CMC1: variants seen among roughly 807,000 people sequenced by gnomAD.
CMC1 encodes the protein C-X9-C motif containing 1.
In CMC1, 14 loss-of-function variants were observed where a neutral mutation model predicts 14.1. The ratio of observed to expected loss-of-function variants is 0.99; its 90% CI spans 0.66 to 1.55. The LOEUF is 1.55. CMC1 is among the 40% of genes most tolerant of loss of function. CMC1 has a pLI of 0.00. For missense variants in CMC1, 127 were observed against 123.8 expected (o/e 1.03, Z -0.12); for synonymous variants, 50 against 38.4 (o/e 1.30, Z -1.12).
intron 2 of CMC1, among the ~76,000 whole-genome samples, chr3:28,282,806 CTT>C (rs1475395236): frequency 2.6e-5 from 4 of 152,124 alleles, no homozygotes; most frequent in African/African-American, 9.7e-5. Flanking sequence ...AACCTTAAAA[CTT>C]TGGTTTTAAT....
chr3:28,250,035 G>C (rs750682401), intron 1 of CMC1, among the ~76,000 whole-genome samples: 1 of 152,088 alleles, frequency 6.6e-6, no homozygotes, highest in South Asian at 2.1e-4. Context: ...TAATCCTATC[G>C]AATTAAGGCC....
intron 2 of CMC1, among the ~76,000 whole-genome samples, chr3:28,263,845 G>A (rs1458716958): frequency 6.6e-6 from 1 of 151,976 alleles, no homozygotes. Flanking sequence ...GTGAGTCTGG[G>A]GTTTTTGTTT....
Position 28,323,284 on chromosome 3 carries a change from TCTA to T in CMC1, c.*3661_*3663del, listed in dbSNP as rs1228768168. 1 of 151,302 alleles carries T rather than the reference TCTA, an allele frequency of 6.6e-6. No homozygotes were observed. The highest frequency in any genetic ancestry group is 6.6e-5 in the Admixed American group (1 of 15,088). 9.4% of individuals were successfully genotyped at this position (151,302 alleles called of 1,614,324 possible). On this transcript the variant is annotated 3_prime_UTR_variant, in exon 4 of 4. Coordinates refer to ENST00000466830, the MANE Select transcript of CMC1 (RefSeq NM_182523.2). ...AGACTGAAATCTGTGTGATGCTCCT[TCTA>T]CTACTTATTGAATAGTGTGTAGGGT...
At position 28,263,354 on chromosome 3, in the gene CMC1, A is replaced by C; in HGVS notation, c.83A>C (p.Lys28Thr). Residue 28 changes from lysine (K) to threonine (T), a missense_variant, in exon 2 of 4, where the codon AAA (lysine) becomes ACA (threonine). Physicochemically the swap from Lys to Thr is moderately conservative, Grantham distance 78. Transcript: ENST00000466830. ...LIPKIMREKA[K>T]ERCSEQVQDF... ...CCTAAAATAATGAGAGAAAAGGCCA[A>C]AGAGAGGTGTTCTGAACAAGTTCAA... is the stretch of plus-strand genomic sequence containing the variant. The C allele has an allele frequency of 6.2e-7, 1 of 1,608,360 alleles. No individual in the cohort carries two copies. The highest frequency in any genetic ancestry group is 1.3e-5 in the African/African-American group (1 of 74,772).
chr3:28,259,092 A>T (rs192052421), intron 1 of CMC1, among the ~76,000 whole-genome samples: 1 of 151,738 alleles, frequency 6.6e-6, no homozygotes, highest in Non-Finnish European at 1.5e-5. Context: ...TGGCTATTCT[A>T]TGTCCTTTGT....
At chr3:28,277,620 G>T (rs371167394) in intron 2 of CMC1, among the ~76,000 whole-genome samples, 1 of 152,166 alleles carries the variant, frequency 6.6e-6, no homozygotes, top group African/African-American at 2.4e-5. Context: ...TTTCTAATAC[G>T]TGATCAATAT....
At chr3:28,287,205 T>A (rs981818292) in intron 2 of CMC1, among the ~76,000 whole-genome samples, 1 of 152,154 alleles carries the variant, frequency 6.6e-6, no homozygotes, top group Non-Finnish European at 1.5e-5. Flanking sequence ...TCTTCATGAA[T>A]CCTCTCTACG....
chr3:28,248,023 T>A (rs911973123), intron 1 of CMC1, among the ~76,000 whole-genome samples: 3 of 152,188 alleles, frequency 2.0e-5, no homozygotes, highest in African/African-American at 7.2e-5. Context: ...AAACATTTTT[T>A]TTTAAGGTTT....
At chr3:28,263,266 TAAAG>T in intron 1 of CMC1, 21 bp from the exon 2 acceptor site, 2 of 1,539,026 alleles carry the variant, frequency 1.3e-6, no homozygotes, top group Non-Finnish European at 1.8e-6. Context: ...GAGACTTTAT[TAAAG>T]AAAGATCTTT....
At chr3:28,286,492 C>G (rs1701187278) in intron 2 of CMC1, among the ~76,000 whole-genome samples, 1 of 152,142 alleles carries the variant, frequency 6.6e-6, no homozygotes, top group Admixed American at 6.5e-5. Flanking sequence ...TCTTTCTTAT[C>G]TGCTACATGA....
At chr3:28,301,516 C>G (rs1468044542) in intron 2 of CMC1, among the ~76,000 whole-genome samples, 1 of 152,056 alleles carries the variant, frequency 6.6e-6, no homozygotes, top group African/African-American at 2.4e-5. Context: ...CCACTGCACT[C>G]GGCTTACTGA....
intron 2 of CMC1, among the ~76,000 whole-genome samples, chr3:28,275,324 G>GTTTTTTTTTTTTTCT: frequency 9.2e-6 from 1 of 108,456 alleles, no homozygotes. Context: ...ACTGTTAGTT[G>GTTTTTTTTTTTTTCT]TTTGTTTTTT....
Position 28,323,900 on chromosome 3 carries a change from T to C in CMC1, c.*4271T>C. ...CCAACTATGTTGGTTTTTGTACTAT[T>C]GTACAGTGTGTTCAAATATAGATAC... On this transcript the variant is annotated 3_prime_UTR_variant, in exon 4 of 4. Transcript: ENST00000466830. 1 of 924,564 alleles carries C rather than the reference T, an allele frequency of 1.1e-6. No individual in the cohort carries two copies. The highest frequency in any genetic ancestry group is 1.8e-5 in the South Asian group (1 of 56,876). The allele number at this position is 924,564 out of a possible 1,614,324, so 57.3% of individuals were successfully genotyped here.
At chr3:28,267,435 A>T (rs17021326) in intron 2 of CMC1, among the ~76,000 whole-genome samples, 6,141 of 152,194 alleles carry the variant, frequency 0.04, 389 homozygotes, top group African/African-American at 0.13. Context: ...GTATTTTGTC[A>T]TCAGGGATGG....
chr3:28,274,798 T>C (rs892301978), intron 2 of CMC1, among the ~76,000 whole-genome samples: 1 of 151,932 alleles, frequency 6.6e-6, no homozygotes, highest in Admixed American at 6.6e-5. Flanking sequence ...TTCTCGGAGG[T>C]TTTGTTTGTT....
rs1006900796 is a variant in CMC1 at position 28,286,060 on chromosome 3, T to C, written c.109+22680T>C. On this transcript the variant is annotated intron_variant, in intron 2 of 3. Coordinates refer to ENST00000466830, the MANE Select transcript of CMC1 (RefSeq NM_182523.2). The stretch of plus-strand genomic sequence containing the variant: ...GATTACAGGCATGAGCCACCGCACC[T>C]GGCAGCATTTTCTTTTATGCTACCT... 4.1e-4 allele frequency among the ~76,000 whole-genome samples: 62 copies of C among 152,288 alleles called. 1 individual carries two copies. The highest frequency in any genetic ancestry group is 1.4e-3 in the African/African-American group (59 of 41,552).
At chr3:28,265,526 C>T (rs1486666691) in intron 2 of CMC1, among the ~76,000 whole-genome samples, 1 of 151,840 alleles carries the variant, frequency 6.6e-6, no homozygotes, top group East Asian at 1.9e-4. Context: ...TTGTATGGTT[C>T]TTAGATAAAA....
intron 2 of CMC1, among the ~76,000 whole-genome samples, chr3:28,298,044 G>A (rs544804917): frequency 6.6e-6 from 1 of 151,990 alleles, no homozygotes; most frequent in South Asian, 2.1e-4. Flanking sequence ...CTTTTGTGAA[G>A]GTAAAGAATA....
rs5003245 is a variant in CMC1, at chr3:28,293,300, A to G, written c.110-23033A>G. The stretch of plus-strand genomic sequence containing the variant: ...CTTTCCATTTGATTAAGCTACAAAT[A>G]GAGGGACTTTTTTTTTTTTTTCGAG... On this transcript the variant is annotated intron_variant, in intron 2 of 3. Coordinates refer to ENST00000466830, the MANE Select transcript of CMC1 (RefSeq NM_182523.2). Among the ~76,000 whole-genome samples the G allele has an allele frequency of 2.0e-3, 302 of 151,120 alleles. 5 individuals carry two copies. The highest frequency in any genetic ancestry group is 3.4e-3 in the Middle Eastern group (1 of 294).
Sources: allele counts gnomAD v4.1 joint callset (sites outside exome capture counted in the v4.1 genomes callset), GRCh38; gene constraint gnomAD v4.1.1; transcripts MANE v1.5; gene names NCBI Gene and HGNC (gene_info 2026-07-23, HGNC 2026-07-21).